The following NALF1 variants were observed in gnomAD, a reference collection of about 807,000 sequenced individuals.
NALF1 encodes the protein family with sequence similarity 155 member A.
Under a neutral mutation model 48.4 loss-of-function variants are expected in NALF1, and 3 were observed. The observed-to-expected ratio is 0.06, with a 90% CI of 0.03 to 0.16. The LOEUF (loss-of-function observed/expected upper bound fraction) is 0.16. Ranked by LOEUF, NALF1 falls within the 10% of genes least tolerant of loss-of-function variation. NALF1 has a pLI of 1.00. For synonymous variants in NALF1, 262 were observed against 245.7 expected, an observed-to-expected ratio of 1.07 and a Z score of -0.62; for missense variants, 526 against 571.5, an observed-to-expected ratio of 0.92 and a Z score of 0.81.
In NALF1 at chr13:107,598,122, T is replaced by A. The variant is rs531263141; in HGVS notation, c.915+267560A>T. The stretch of plus-strand genomic sequence containing the variant: ...ACCTAGGTTAGTATTTTGCTCTCTG[T>A]CCAGAATTTGCTCTATGGACACACA... On this transcript the variant is annotated intron_variant, in intron 1 of 2. Coordinates refer to ENST00000375915, the MANE Select transcript of NALF1 (RefSeq NM_001080396.3). 2.7e-4 allele frequency among the ~76,000 whole-genome samples: 41 copies of A among 152,242 alleles called. 1 individual carries two copies. The South Asian group carries it at 8.1e-3, about 30-fold the overall frequency.
chr13:107,252,405 GA>G (rs1880721070), intron 1 of NALF1, among the ~76,000 whole-genome samples: 1 of 151,528 alleles, frequency 6.6e-6, no homozygotes, highest in Non-Finnish European at 1.5e-5. Context: ...GAAAGATAGA[GA>G]GGGGAGAATA....
intron 1 of NALF1, among the ~76,000 whole-genome samples, chr13:107,693,315 G>C (rs1300996388): frequency 1.2e-5 from 1 of 80,820 alleles, no homozygotes; most frequent in African/African-American, 4.6e-5. Context: ...ACACATCAGG[G>C]CCTGTCGTAG....
intron 1 of NALF1, among the ~76,000 whole-genome samples, chr13:107,574,702 G>A (rs9514703): frequency 6.6e-6 from 1 of 151,868 alleles, no homozygotes; most frequent in African/African-American, 2.4e-5. Context: ...AGGCTCAAGG[G>A]TCCTATTATT....
chr13:107,472,872 T>C (rs1385380773), intron 1 of NALF1, among the ~76,000 whole-genome samples: 1 of 152,204 alleles, frequency 6.6e-6, no homozygotes, highest in Non-Finnish European at 1.5e-5. Flanking sequence ...CTCCCTTTCA[T>C]AGATACATCT....
At chr13:107,227,832 G>A (rs1880136333) in intron 1 of NALF1, among the ~76,000 whole-genome samples, 1 of 152,112 alleles carries the variant, frequency 6.6e-6, no homozygotes, top group Non-Finnish European at 1.5e-5. Context: ...GAATCTCATA[G>A]GATTTTAGGA....
chr13:107,305,354 G>T (rs568662234), intron 1 of NALF1, among the ~76,000 whole-genome samples: 3 of 152,314 alleles, frequency 2.0e-5, no homozygotes, highest in Admixed American at 6.5e-5. Context: ...TAATTAAAAT[G>T]CTGAAGTTAA....
intron 1 of NALF1, among the ~76,000 whole-genome samples, chr13:107,576,586 T>C (rs1229544386): frequency 6.6e-6 from 1 of 152,180 alleles, no homozygotes; most frequent in African/African-American, 2.4e-5. Flanking sequence ...TACAGAGTCT[T>C]GCATGTGGGT....
At chr13:107,316,300 A>T (rs371998473) in intron 1 of NALF1, among the ~76,000 whole-genome samples, 24 of 152,100 alleles carry the variant, frequency 1.6e-4, no homozygotes, top group African/African-American at 3.6e-4. Flanking sequence ...TCTATCATTG[A>T]TGGACATTTG....
intron 1 of NALF1, among the ~76,000 whole-genome samples, chr13:107,511,046 G>A (rs1875871773): frequency 6.6e-6 from 1 of 152,156 alleles, no homozygotes. Context: ...TAAACCGTCT[G>A]AGTCCTCCTA....
chr13:107,385,552 C>CAAAAAAAAAAAAAAAAAAA (rs201307018), intron 1 of NALF1, among the ~76,000 whole-genome samples: 21 of 118,272 alleles, frequency 1.8e-4, no homozygotes, highest in East Asian at 2.6e-4. Context: ...GATTCCATCT[C>CAAAAAAAAAAAAAAAAAAA]AAAAAAAAAA....
At chr13:107,496,167 G>C (rs1404689221) in intron 1 of NALF1, among the ~76,000 whole-genome samples, 1 of 151,890 alleles carries the variant, frequency 6.6e-6, no homozygotes, top group African/African-American at 2.4e-5. Flanking sequence ...ATTATCTCTG[G>C]GTTTTAAAAG....
chr13:107,721,109 TACACACACACACAC>T (rs66578211), intron 1 of NALF1, among the ~76,000 whole-genome samples: 34 of 143,946 alleles, frequency 2.4e-4, no homozygotes, highest in East Asian at 1.4e-3. Context: ...CAGATCTCAA[TACACACACACACAC>T]ACACACACAC....
At chr13:107,673,811 C>T (rs565943753) in intron 1 of NALF1, among the ~76,000 whole-genome samples, 1 of 151,878 alleles carries the variant, frequency 6.6e-6, no homozygotes, top group South Asian at 2.1e-4. Flanking sequence ...TACTATGTGT[C>T]AAAAATTAAA....
chr13:107,193,109 A>G (rs1879316812), intron 2 of NALF1, among the ~76,000 whole-genome samples: 1 of 152,180 alleles, frequency 6.6e-6, no homozygotes, highest in Admixed American at 6.5e-5. Flanking sequence ...TATTTATGGT[A>G]TAAGATGACA....
chr13:107,506,621 C>T (rs765103143), intron 1 of NALF1, among the ~76,000 whole-genome samples: 5 of 152,058 alleles, frequency 3.3e-5, no homozygotes, highest in Non-Finnish European at 7.4e-5. Context: ...ACTTCATATG[C>T]ATAACATGAC....
At chr13:107,390,250 C>T (rs1883600597) in intron 1 of NALF1, among the ~76,000 whole-genome samples, 1 of 151,516 alleles carries the variant, frequency 6.6e-6, no homozygotes. Context: ...GAGGCTGAGA[C>T]ATGAGAATTG....
chr13:107,192,102 C>A (rs1879295458), intron 2 of NALF1, among the ~76,000 whole-genome samples: 1 of 151,616 alleles, frequency 6.6e-6, no homozygotes, highest in Admixed American at 6.6e-5. Flanking sequence ...CATTAAGAAG[C>A]AACATAAAAG....
chr13:107,650,618 A>T (rs1185735565), intron 1 of NALF1, among the ~76,000 whole-genome samples: 13 of 152,016 alleles, frequency 8.6e-5, no homozygotes, highest in African/African-American at 2.7e-4. Context: ...AACTGCAAAT[A>T]TGGTGTGGTG....
chr13:107,658,150 G>C (rs1241763880), intron 1 of NALF1, among the ~76,000 whole-genome samples: 1 of 152,058 alleles, frequency 6.6e-6, no homozygotes, highest in Non-Finnish European at 1.5e-5. Context: ...GATGTCTCTG[G>C]GTGTGAATTT....
Sources: allele counts gnomAD v4.1 joint callset (sites outside exome capture counted in the v4.1 genomes callset), GRCh38; gene constraint gnomAD v4.1.1; transcripts MANE v1.5; gene names NCBI Gene and HGNC (gene_info 2026-07-23, HGNC 2026-07-21).